The following MAST2 variants were observed in gnomAD, a reference collection of about 807,000 sequenced individuals.
MAST2 encodes the protein microtubule-associated serine/threonine-protein kinase 2.
Under a neutral mutation model 147.4 loss-of-function variants are expected in MAST2, and 70 were observed. That is an observed-to-expected ratio of 0.47 (90% confidence interval 0.39 to 0.58). The LOEUF (loss-of-function observed/expected upper bound fraction) is 0.58. Among genes scored for constraint, MAST2 ranks in the 20% least tolerant of loss-of-function variants. The pLI is 0.00. For synonymous variants in MAST2, 869 were observed against 896.8 expected (o/e 0.97, Z 0.55); for missense variants, 2,080 against 2,302.3 (o/e 0.90, Z 1.98).
At position 45,803,879 on chromosome 1, in the gene MAST2, G is replaced by T. The variant is rs1037562014; in HGVS notation, c.-17G>T. ...GGACAGTCGCGGCGCTGACGCCCGC[G>T]GGCCCCAGCTGCAGATATGAAGCGG... On this transcript the variant is annotated 5_prime_UTR_variant, in exon 1 of 29. Transcript: ENST00000361297. The T allele has an allele frequency of 1.8e-6, 1 of 569,308 alleles. No individual in the cohort carries two copies. The allele number at this position is 569,308 out of a possible 1,614,324, so 35.3% of individuals were successfully genotyped here.
intron 16 of MAST2, among the ~76,000 whole-genome samples, 167 bp from the exon 17 acceptor site, chr1:46,027,564 G>A (rs1646465521): frequency 6.6e-6 from 1 of 152,214 alleles, no homozygotes; most frequent in South Asian, 2.1e-4. Context: ...CACACAGCCA[G>A]AGCGATTTAC....
intron 5 of MAST2, among the ~76,000 whole-genome samples, chr1:45,984,018 C>T (rs1453201379): frequency 1.3e-5 from 2 of 152,138 alleles, no homozygotes; most frequent in Admixed American, 6.5e-5. Flanking sequence ...TGTTATGCCT[C>T]CTCCAAAAGC....
At chr1:46,029,422 C>A in intron 18 of MAST2, 44 bp from the exon 19 acceptor site, 1 of 1,521,200 alleles carries the variant, frequency 6.6e-7, no homozygotes, top group Non-Finnish European at 9.1e-7. Context: ...TCTCTCCACT[C>A]TACCCACAAT....
intron 15 of MAST2, among the ~76,000 whole-genome samples, chr1:46,024,642 G>T (rs1030890506): frequency 1.3e-5 from 2 of 152,198 alleles, no homozygotes; most frequent in African/African-American, 4.8e-5. Context: ...GAAGTAACAT[G>T]AACAGATGTT....
rs1363196478 is a variant in MAST2 at position 46,034,926 on chromosome 1, G to A, written c.4257G>A (p.Glu1419=). ...TGGCAGCAGCACTTGCCGCCTCTGA[G>A]AAGAAGCTAGCCACTTCTCGCAAGC... ...EKLAAALAAS[E]KKLATSRKHS... is the part of the protein sequence containing the mutation. The change falls in exon 29 of 29, where the codon GAG becomes GAA. Residue 1419 remains glutamate, a synonymous_variant. Transcript: ENST00000361297. 2 of 1,614,162 alleles carry A rather than the reference G, an allele frequency of 1.2e-6. No individual in the cohort carries two copies. Among genetic ancestry groups the A allele is most frequent in the East Asian group, 4.5e-5 (2 of 44,882 alleles).
intron 5 of MAST2, among the ~76,000 whole-genome samples, chr1:45,970,608 C>T (rs2148985871): frequency 6.9e-6 from 1 of 145,574 alleles, no homozygotes; most frequent in Admixed American, 7.2e-5. Flanking sequence ...GCAGAGCTTG[C>T]AGTGAGCCCA....
At chr1:45,953,013 A>G (rs1448282527) in intron 4 of MAST2, among the ~76,000 whole-genome samples, 1 of 152,206 alleles carries the variant, frequency 6.6e-6, no homozygotes, top group East Asian at 1.9e-4. Context: ...CTGAAATAAT[A>G]GATTGTAATA....
At chr1:45,959,754 G>T (rs1660141110) in intron 5 of MAST2, among the ~76,000 whole-genome samples, 1 of 152,090 alleles carries the variant, frequency 6.6e-6, no homozygotes, top group African/African-American at 2.4e-5. Context: ...CTCTGTTCTA[G>T]TGTGTTCTAG....
chr1:46,033,614 C>G (rs1378764807), intron 26 of MAST2, among the ~76,000 whole-genome samples, 188 bp from the exon 27 acceptor site: 1 of 152,134 alleles, frequency 6.6e-6, no homozygotes, highest in Non-Finnish European at 1.5e-5. Context: ...CCAAACCACT[C>G]TGGGGCTCCA....
rs1444480105 is a variant in MAST2, at chr1:46,031,570, C to T, written c.3172C>T (p.Leu1058Phe). Residue 1058 changes from leucine (L) to phenylalanine (F), a missense_variant, in exon 24 of 29, where the codon CTC (leucine) becomes TTC (phenylalanine). Leu to Phe is a conservative substitution (Grantham distance 22). Around this residue, in one of 4 missense-constraint regions of MAST2, gnomAD observed 1,278 missense variants for 1,304.2 expected, o/e 0.98. Transcript: ENST00000361297. This position sits in a 1 kb window ranked among gnomAD's most constrained non-coding sequence, Gnocchi z 4.1. Reference protein sequence around the residue: ...IKSASATALSLLIPSEHHTCS... With the variant: ...IKSASATALSFLIPSEHHTCS... ...GTCCGCCTCAGCCACAGCCCTCTCA[C>T]TCCTCATTCCTTCGGGTGAGGCCCC... The T allele has an allele frequency of 6.2e-7, 1 of 1,612,236 alleles. No individual in the cohort carries two copies. The highest frequency in any genetic ancestry group is 1.3e-5 in the African/African-American group (1 of 74,902).
intron 10 of MAST2, among the ~76,000 whole-genome samples, chr1:46,012,381 G>A (rs1036560311): frequency 3.9e-5 from 6 of 152,326 alleles, no homozygotes; most frequent in East Asian, 1.9e-4. Flanking sequence ...ACTGAATTTG[G>A]AGCCAGTTTG....
chr1:45,864,992 C>T (rs1315554196), intron 3 of MAST2: 2 of 396,430 alleles, frequency 5.0e-6, no homozygotes, highest in African/African-American at 2.1e-5. Context: ...TTTAGTGGAA[C>T]AGTGGGTTAG....
intron 3 of MAST2, among the ~76,000 whole-genome samples, chr1:45,846,579 T>C (rs1422692182): frequency 1.3e-5 from 2 of 152,090 alleles, no homozygotes; most frequent in African/African-American, 4.8e-5. Context: ...CCCAGCACTT[T>C]GGGAGTCCGA....
intron 4 of MAST2, among the ~76,000 whole-genome samples, chr1:45,892,523 A>G (rs938059468): frequency 1.3e-5 from 2 of 152,228 alleles, no homozygotes; most frequent in African/African-American, 4.8e-5. Flanking sequence ...TTAACTAAAA[A>G]AAGTTCTGGA....
At chr1:45,946,399 A>G (rs928035727) in intron 4 of MAST2, among the ~76,000 whole-genome samples, 21 of 152,164 alleles carry the variant, frequency 1.4e-4, no homozygotes, top group Non-Finnish European at 5.9e-5. Context: ...AAATTATTCC[A>G]GGGCAGAAGA....
Position 45,976,011 on chromosome 1 carries a change from G to C in MAST2, c.592+16534G>C, listed in dbSNP as rs190757818. On this transcript the variant is annotated intron_variant, in intron 5 of 28. Coordinates refer to ENST00000361297, the MANE Select transcript of MAST2 (RefSeq NM_015112.3). ...TTTTTTTGAAACAGAATCTCTCTCT[G>C]TTGCCCAGGCTGGAGTGCAGTGGTG... is the stretch of plus-strand genomic sequence containing the variant. Among the ~76,000 whole-genome samples, 520 of 147,724 alleles carry C rather than the reference G, an allele frequency of 3.5e-3. 2 individuals are homozygous for C. Among genetic ancestry groups the C allele is most frequent in the African/African-American group, 0.012 (471 of 40,052 alleles).
At chr1:46,026,214 G>GA (rs1397924894) in intron 16 of MAST2, among the ~76,000 whole-genome samples, 3 of 152,238 alleles carry the variant, frequency 2.0e-5, no homozygotes, top group Admixed American at 6.5e-5. Context: ...GTGGGAGACA[G>GA]AAATATATGT....
chr1:45,825,751 C>T (rs965718651), intron 2 of MAST2, among the ~76,000 whole-genome samples: 1 of 151,454 alleles, frequency 6.6e-6, no homozygotes, highest in Admixed American at 6.6e-5. Context: ...ATGTGATTAT[C>T]TTCTGATTGT....
At chr1:45,914,155 GA>G (rs1652100897) in intron 4 of MAST2, among the ~76,000 whole-genome samples, 1 of 152,172 alleles carries the variant, frequency 6.6e-6, no homozygotes, top group Non-Finnish European at 1.5e-5. Context: ...TTCTTCCCTT[GA>G]AAGCAAATGT....
Sources: gnomAD v4.1 joint callset for allele counts (sites outside exome capture counted in the v4.1 genomes callset) on GRCh38, gnomAD v4.1.1 for gene constraint, gnomAD v4.1.1 regional missense constraint, Gnocchi (gnomAD v3.1) non-coding constraint, MANE v1.5 for transcripts, NCBI Gene and HGNC (gene_info 2026-07-23, HGNC 2026-07-21) for gene names.